ERGIC1: variants seen among roughly 807,000 people sequenced by gnomAD.
ERGIC1 encodes the protein endoplasmic reticulum-Golgi intermediate compartment protein 1.
Under a neutral mutation model 38.3 loss-of-function variants are expected in ERGIC1, and 19 were observed. The ratio of observed to expected loss-of-function variants is 0.50; its 90% confidence interval spans 0.35 to 0.73. The LOEUF is 0.73. Ranked by LOEUF, ERGIC1 falls within the 30% of genes least tolerant of loss-of-function variation. The probability of loss-of-function intolerance (pLI) is 0.01; values close to 1 mark genes in which losing one functional copy is unlikely to be tolerated. For missense variants in ERGIC1, 294 were observed against 389.2 expected (o/e 0.76, Z 2.06); for synonymous variants, 124 against 157.6 (o/e 0.79, Z 1.60).
At chr5:172,845,032 G>A (rs527334281) in intron 1 of ERGIC1, among the ~76,000 whole-genome samples, 4 of 93,964 alleles carry the variant, frequency 4.3e-5, no homozygotes, top group Non-Finnish European at 9.6e-5. Flanking sequence ...TGAGGAGGAC[G>A]CAGGGGTATA....
At chr5:172,885,102 G>T (rs1335298690) in intron 1 of ERGIC1, among the ~76,000 whole-genome samples, 2 of 151,974 alleles carry the variant, frequency 1.3e-5, no homozygotes, top group African/African-American at 4.8e-5. Flanking sequence ...TGAAACAATG[G>T]TTCTTATATT....
intron 1 of ERGIC1, among the ~76,000 whole-genome samples, chr5:172,876,452 G>A (rs1010855501): frequency 2.6e-5 from 4 of 152,190 alleles, no homozygotes; most frequent in Non-Finnish European, 5.9e-5. Context: ...AGTTGGTGGT[G>A]TAGGATCTTA....
rs539484811 is a variant in ERGIC1 at position 172,902,369 on chromosome 5, G to A, written c.155+5295G>A. Among the ~76,000 whole-genome samples the A allele has an allele frequency of 2.2e-3, 335 of 152,280 alleles. 1 individual carries two copies. The highest frequency in any genetic ancestry group is 3.6e-3 in the Non-Finnish European group (248 of 68,008). ...AGGTTGCCTGCCTTGAGCCTGGGTT[G>A]TGAGCCAGGCTGGGTAGAGGGCCCC... is the stretch of plus-strand genomic sequence containing the variant. On this transcript the variant is annotated intron_variant, in intron 3 of 9. Coordinates refer to ENST00000393784, the MANE Select transcript of ERGIC1 (RefSeq NM_001031711.3).
chr5:172,864,883 G>A (rs960149085), intron 1 of ERGIC1, among the ~76,000 whole-genome samples: 7 of 151,938 alleles, frequency 4.6e-5, no homozygotes, highest in African/African-American at 1.5e-4. Context: ...CACACAGCAA[G>A]TAAGAGCAAA....
intron 1 of ERGIC1, among the ~76,000 whole-genome samples, chr5:172,886,073 A>C (rs1251765971): frequency 1.4e-5 from 2 of 147,086 alleles, no homozygotes; most frequent in African/African-American, 5.1e-5. Flanking sequence ...CCCCACCCCT[A>C]CCTCCCAAAT....
chr5:172,907,385 C>G (rs572249853), intron 3 of ERGIC1, among the ~76,000 whole-genome samples: 25 of 152,250 alleles, frequency 1.6e-4, no homozygotes, highest in African/African-American at 4.8e-4. Context: ...TGGTGAAACC[C>G]CACCTCTACT....
intron 3 of ERGIC1, among the ~76,000 whole-genome samples, chr5:172,905,763 T>C (rs1045529043): frequency 2.0e-5 from 3 of 152,110 alleles, no homozygotes; most frequent in Non-Finnish European, 4.4e-5. Context: ...GAGTGTGTAG[T>C]TGCAAGACTT....
At chr5:172,906,851 G>A (rs943750704) in intron 3 of ERGIC1, among the ~76,000 whole-genome samples, 1 of 152,132 alleles carries the variant, frequency 6.6e-6, no homozygotes, top group Non-Finnish European at 1.5e-5. Flanking sequence ...GGGCATTATC[G>A]GGGAATCAGA....
rs74753364 is a variant in ERGIC1 at position 172,876,840 on chromosome 5, T to C, written c.21-11859T>C. On this transcript the variant is annotated intron_variant, in intron 1 of 9. Transcript: ENST00000393784. ...CATACCATATGGACCCTAGTTTGCC[T>C]GCCATTCAGCATAATTATCTTGAGA... 7.1e-3 allele frequency among the ~76,000 whole-genome samples: 1,085 copies of C among 152,272 alleles called. 7 individuals are homozygous for C. The highest frequency in any genetic ancestry group is 0.013 in the South Asian group (63 of 4,824).
rs1162992251 is a variant in ERGIC1, at chr5:172,934,884, C to T, written c.643-304C>T. 7.1e-5 allele frequency: 28 copies of T among 392,564 alleles called. No homozygotes were observed. The South Asian group carries it at 7.4e-4, about 10-fold the overall frequency. The allele number at this position is 392,564 out of a possible 1,614,324, so 24.3% of individuals were successfully genotyped here. A position where few individuals can be genotyped will look rare whatever the true frequency, so the allele number is the denominator to read the frequency against. On this transcript the variant is annotated intron_variant, in intron 8 of 9. Transcript: ENST00000393784. Reference sequence around the variant, plus strand: ...CCCAGAGGTTGAAGGAGGCAATAGCCAAAAATTGCACTTTTCCTTTTACAG... The same window carrying T: ...CCCAGAGGTTGAAGGAGGCAATAGCTAAAAATTGCACTTTTCCTTTTACAG...
intron 5 of ERGIC1, among the ~76,000 whole-genome samples, chr5:172,919,315 G>A (rs1252375870): frequency 6.6e-6 from 1 of 152,158 alleles, no homozygotes; most frequent in Non-Finnish European, 1.5e-5. Flanking sequence ...TCCTCACTGT[G>A]GGCCCCCCGC....
intron 6 of ERGIC1, among the ~76,000 whole-genome samples, chr5:172,925,381 G>A (rs532039723): frequency 7.9e-5 from 12 of 152,192 alleles, no homozygotes; most frequent in Non-Finnish European, 1.3e-4. Flanking sequence ...CCTTCACACG[G>A]TCAGTCTCAA....
chr5:172,919,246 A>G (rs918429520), intron 5 of ERGIC1, among the ~76,000 whole-genome samples: 1 of 152,212 alleles, frequency 6.6e-6, no homozygotes, highest in Non-Finnish European at 1.5e-5. Flanking sequence ...GTTACAAAGG[A>G]AGCCCTGTCT....
At chr5:172,896,957 G>A in intron 2 of ERGIC1, 45 bp from the exon 3 acceptor site, 5 of 1,591,090 alleles carry the variant, frequency 3.1e-6, no homozygotes, top group Non-Finnish European at 4.3e-6. Flanking sequence ...CCCTTCGTCA[G>A]TGCCCACCAC....
At chr5:172,906,583 C>T (rs1053997070) in intron 3 of ERGIC1, among the ~76,000 whole-genome samples, 1 of 152,086 alleles carries the variant, frequency 6.6e-6, no homozygotes, top group Non-Finnish European at 1.5e-5. Flanking sequence ...GTGCTAGGGG[C>T]GCAAAGATGT....
At chr5:172,877,458 A>ATATTTTT (rs58452182) in intron 1 of ERGIC1, among the ~76,000 whole-genome samples, 6 of 86,638 alleles carry the variant, frequency 6.9e-5, no homozygotes, top group African/African-American at 2.6e-4. Context: ...ATATATATAT[A>ATATTTTT]TTTTTTTTTT....
chr5:172,842,669 C>G (rs115318805), intron 1 of ERGIC1, among the ~76,000 whole-genome samples: 2 of 152,198 alleles, frequency 1.3e-5, no homozygotes, highest in African/African-American at 4.8e-5. Flanking sequence ...CCACATCTTG[C>G]CAACATGTCT....
chr5:172,908,875 T>C (rs1443175884), intron 3 of ERGIC1, among the ~76,000 whole-genome samples: 1 of 152,194 alleles, frequency 6.6e-6, no homozygotes, highest in East Asian at 1.9e-4. Context: ...CATCAGGGAA[T>C]TCCTGGCTTC....
At chr5:172,857,766 T>C (rs1373100620) in intron 1 of ERGIC1, among the ~76,000 whole-genome samples, 1 of 152,132 alleles carries the variant, frequency 6.6e-6, no homozygotes, top group African/African-American at 2.4e-5. Flanking sequence ...GGTTCTTGTC[T>C]TACAGCTTAC....
Sources: gnomAD v4.1 joint callset for allele counts (sites outside exome capture counted in the v4.1 genomes callset) on GRCh38, gnomAD v4.1.1 for gene constraint, MANE v1.5 for transcripts, NCBI Gene and HGNC (gene_info 2026-07-23, HGNC 2026-07-21) for gene names.